The following FUCA1 variants were observed in gnomAD, a reference collection of about 807,000 sequenced individuals.
FUCA1 encodes the protein alpha-L-fucosidase 1, also known as tissue alpha-L-fucosidase.
In FUCA1, 52 loss-of-function variants were observed where a neutral mutation model predicts 56.8. The observed-to-expected ratio is 0.92, with a 90% CI of 0.73 to 1.15. The LOEUF (loss-of-function observed/expected upper bound fraction) is 1.15. FUCA1 is among the 50% of genes most tolerant of loss of function. The pLI, the probability that FUCA1 is intolerant of heterozygous loss-of-function variation, is 0.00. For missense variants in FUCA1, 568 were observed against 592.6 expected, an observed-to-expected ratio of 0.96 and a Z score of 0.43; for synonymous variants, 230 against 226.6, an observed-to-expected ratio of 1.02 and a Z score of -0.14.
intron 4 of FUCA1, among the ~76,000 whole-genome samples, chr1:23,856,621 A>G (rs1639396178): frequency 6.6e-6 from 1 of 152,176 alleles, no homozygotes; most frequent in South Asian, 2.1e-4. Flanking sequence ...TACAGTCCCC[A>G]TATGTCTGCG....
At chr1:23,863,658 C>G (rs1394873232) in intron 2 of FUCA1, among the ~76,000 whole-genome samples, 1 of 152,088 alleles carries the variant, frequency 6.6e-6, no homozygotes, top group Non-Finnish European at 1.5e-5. Context: ...TTGAGACCAG[C>G]CTGGGCAACA....
chr1:23,853,794 T>C, intron 5 of FUCA1, among the ~76,000 whole-genome samples: 1 of 152,016 alleles, frequency 6.6e-6, no homozygotes, highest in East Asian at 1.9e-4. Flanking sequence ...AAACGTGTGC[T>C]GTGTCCACTC....
At chr1:23,861,347 G>C (rs978935419) in intron 3 of FUCA1, among the ~76,000 whole-genome samples, 1 of 103,276 alleles carries the variant, frequency 9.7e-6, no homozygotes, top group African/African-American at 3.8e-5. Flanking sequence ...AAAAAAAAAA[G>C]AATGGGTGCA....
At chr1:23,858,927 G>A (rs1239115939) in intron 4 of FUCA1, among the ~76,000 whole-genome samples, 2 of 151,910 alleles carry the variant, frequency 1.3e-5, no homozygotes, top group Non-Finnish European at 2.9e-5. Flanking sequence ...TGGGACTACA[G>A]GTCCGTGCCA....
intron 3 of FUCA1, among the ~76,000 whole-genome samples, chr1:23,860,246 C>T (rs569664181): frequency 1.3e-5 from 2 of 152,094 alleles, no homozygotes; most frequent in Non-Finnish European, 2.9e-5. Flanking sequence ...AAACTGAAAA[C>T]ATTTGCTAAT....
At chr1:23,851,737 C>A (rs1015667222) in intron 5 of FUCA1, among the ~76,000 whole-genome samples, 5 of 151,696 alleles carry the variant, frequency 3.3e-5, no homozygotes, top group African/African-American at 1.2e-4. Flanking sequence ...AACCATCATT[C>A]TTAGCAAACT....
At chr1:23,850,614 G>C (rs926001022) in intron 5 of FUCA1, among the ~76,000 whole-genome samples, 2 of 152,024 alleles carry the variant, frequency 1.3e-5, no homozygotes, top group Non-Finnish European at 2.9e-5. Context: ...CTCCTGAGTA[G>C]CTGGGATTAT....
At position 23,868,168 on chromosome 1, in the gene FUCA1, T is replaced by A; in HGVS notation, c.119A>T (p.Asp40Val). Residue 40 changes from aspartate (D) to valine (V), a missense_variant, in exon 1 of 8, where the codon GAC becomes GTC. Coordinates refer to ENST00000374479, the MANE Select transcript of FUCA1 (RefSeq NM_000147.5). ...RAQPPRRYTP[D>V]WPSLDSRPLP... ...CGGCCGAGAATCCAGGCTCGGCCAGTCTGGGGTGTAGCGGCGCGGAGGCTG... is the reference window on the plus strand; with the variant it reads ...CGGCCGAGAATCCAGGCTCGGCCAGACTGGGGTGTAGCGGCGCGGAGGCTG... 1 of 1,607,936 alleles carries A rather than the reference T, an allele frequency of 6.2e-7. No individual in the cohort carries two copies. The highest frequency in any genetic ancestry group is 1.3e-5 in the African/African-American group (1 of 74,866).
rs1158652644 is a variant in FUCA1, at chr1:23,865,485, ACT to A, written c.524+4_524+5del. 6.8e-6 allele frequency: 11 copies of A among 1,614,038 alleles called. No individual in the cohort carries two copies. The highest frequency in any genetic ancestry group is 8.5e-6 in the Non-Finnish European group (10 of 1,180,040). Reference sequence around the variant, plus strand: ...GATAACAGAGTAACCATCCCTGGACACTCACCTCTTCCGGAGAGCTGTTCCCA... The same window carrying A: ...GATAACAGAGTAACCATCCCTGGACACACCTCTTCCGGAGAGCTGTTCCCA... On this transcript the variant is annotated splice_donor_5th_base_variant and intron_variant, in intron 2 of 7. Coordinates refer to ENST00000374479, the MANE Select transcript of FUCA1 (RefSeq NM_000147.5).
Position 23,854,529 on chromosome 1 carries a change from T to C in FUCA1, c.800A>G (p.Gln267Arg), listed in dbSNP as rs1232802343. Residue 267 changes from glutamine to arginine, a missense_variant, in exon 5 of 8, where the codon CAG becomes CGG. Transcript: ENST00000374479. ...TCCTCCATGGTGACAGGAACAGTTC[T>C]GACCCCATCGGTCATTTACTACCAC... ...DEVVVNDRWGQNCSCHHGGYY... is the reference protein window; with the variant it reads ...DEVVVNDRWGRNCSCHHGGYY... The C allele has an allele frequency of 9.9e-6, 16 of 1,614,110 alleles. No individual in the cohort carries two copies. The highest frequency in any genetic ancestry group is 1.4e-5 in the Non-Finnish European group (16 of 1,179,948).
At chr1:23,852,097 T>TAATAATAATAATAAA (rs1443205977) in intron 5 of FUCA1, among the ~76,000 whole-genome samples, 2 of 149,520 alleles carry the variant, frequency 1.3e-5, no homozygotes, top group Non-Finnish European at 3.0e-5. Context: ...ATAATAATAA[T>TAATAATAATAATAAA]AATAAAAAGT....
rs202079642 is a variant in FUCA1, at chr1:23,859,887, T to C, written c.679A>G (p.Ile227Val). 3 of 1,609,914 alleles carry C rather than the reference T, an allele frequency of 1.9e-6. No homozygotes were observed. Among genetic ancestry groups the C allele is most frequent in the African/African-American group, 1.3e-5 (1 of 74,788 alleles). Residue 227 changes from isoleucine (I) to valine (V), a missense_variant, in exon 4 of 8, where the codon ATC becomes GTC. Ile to Val is a conservative substitution (Grantham distance 29). Coordinates refer to ENST00000374479, the MANE Select transcript of FUCA1 (RefSeq NM_000147.5). ...CATTCCCACTCCCCATCAGACCAGATCAGATCAGGTTTATAGCTGGAAGAC... is the reference window on the plus strand; with the variant it reads ...CATTCCCACTCCCCATCAGACCAGACCAGATCAGGTTTATAGCTGGAAGAC... Reference protein sequence around the residue: ...DLVNSYKPDLIWSDGEWECPD... With the variant: ...DLVNSYKPDLVWSDGEWECPD...
chr1:23,850,472 TTTA>T (rs1639233143), intron 5 of FUCA1, among the ~76,000 whole-genome samples: 1 of 151,808 alleles, frequency 6.6e-6, no homozygotes, highest in African/African-American at 2.4e-5. Flanking sequence ...ATTTTATTTA[TTTA>T]TTATTATTTA....
rs899132428 is a variant in FUCA1, at chr1:23,865,621, C to T, written c.394G>A (p.Val132Ile). The change falls in exon 2 of 8, where the codon GTA becomes ATA. Residue 132 changes from valine (V) to isoleucine (I), a missense_variant. Coordinates refer to ENST00000374479, the MANE Select transcript of FUCA1 (RefSeq NM_000147.5). ...DLFQAAGAKY[V>I]VLTTKHHEGF... ...TCGTGATGCTTTGTCGTCAAAACTA[C>T]ATACCTGTGGACAGCAAAACCACAT... The T allele has an allele frequency of 6.2e-7, 1 of 1,614,238 alleles. No individual in the cohort carries two copies. The highest frequency in any genetic ancestry group is 8.5e-7 in the Non-Finnish European group (1 of 1,180,042).
intron 1 of FUCA1, among the ~76,000 whole-genome samples, chr1:23,866,618 C>T (rs553548580): frequency 6.6e-6 from 1 of 152,326 alleles, no homozygotes; most frequent in East Asian, 1.9e-4. Flanking sequence ...TTCTTTAAAA[C>T]ATTTTACAAC....
In FUCA1 at chr1:23,868,077, G is replaced by A. The variant is rs748575646; in HGVS notation, c.210C>T (p.Pro70=). Residue 70 remains proline (P), a synonymous_variant, in exon 1 of 8, where the codon CCC becomes CCT. Coordinates refer to ENST00000374479, the MANE Select transcript of FUCA1 (RefSeq NM_000147.5). ...ACCAGAACCACTCGCTGCCCCAGGC[G>A]GGCACCGAGAACACGCCCCAGTGGA... ...VFIHWGVFSV[P]AWGSEWFWWH... is the part of the protein sequence containing the mutation. 2 of 1,611,612 alleles carry A rather than the reference G, an allele frequency of 1.2e-6. No individual in the cohort carries two copies. Among genetic ancestry groups the A allele is most frequent in the Middle Eastern group, 1.7e-4 (1 of 6,060 alleles).
intron 5 of FUCA1, among the ~76,000 whole-genome samples, chr1:23,850,888 G>A (rs921904655): frequency 6.6e-6 from 1 of 152,042 alleles, no homozygotes; most frequent in Non-Finnish European, 1.5e-5. Flanking sequence ...GTCTCCCAAA[G>A]TGTTGGAGTT....
intron 5 of FUCA1, among the ~76,000 whole-genome samples, chr1:23,851,393 C>CATAT (rs1639255331): frequency 6.6e-6 from 1 of 151,332 alleles, no homozygotes; most frequent in Non-Finnish European, 1.5e-5. Flanking sequence ...CACATACATA[C>CATAT]ATACATACAT....
intron 3 of FUCA1, among the ~76,000 whole-genome samples, chr1:23,861,096 G>C (rs536967970): frequency 6.6e-6 from 1 of 151,524 alleles, no homozygotes; most frequent in African/African-American, 2.4e-5. Context: ...GGCCGAGGCG[G>C]GCGGATCACG....
Sources: allele counts gnomAD v4.1 joint callset (sites outside exome capture counted in the v4.1 genomes callset), GRCh38; gene constraint gnomAD v4.1.1; transcripts MANE v1.5; gene names NCBI Gene and HGNC (gene_info 2026-07-23, HGNC 2026-07-21).